NINJ1: variants seen among roughly 807,000 people sequenced by gnomAD.
The protein encoded by NINJ1 is ninjurin 1.
Under a neutral mutation model 12.7 loss-of-function variants are expected in NINJ1, and 6 were observed. The ratio of observed to expected loss-of-function variants is 0.47; its 90% confidence interval spans 0.26 to 0.93. The LOEUF is 0.93. Among genes scored for constraint, NINJ1 ranks in the 40% least tolerant of loss-of-function variants. The probability of loss-of-function intolerance (pLI) is 0.15; values close to 1 mark genes in which losing one functional copy is unlikely to be tolerated. For missense variants in NINJ1, 170 were observed against 213.0 expected, an observed-to-expected ratio of 0.80 and a Z score of 1.26; for synonymous variants, 100 against 96.0, an observed-to-expected ratio of 1.04 and a Z score of -0.25.
rs1564221762 is a variant in NINJ1, at chr9:93,134,126, TG to T, written c.75+16del. ...AGGGCCTGGCAAGATCATGCAGCGGTGGGGGGAAGGTCTTACCGAGGCGTCC... is the reference window on the plus strand; with the variant it reads ...AGGGCCTGGCAAGATCATGCAGCGGTGGGGGAAGGTCTTACCGAGGCGTCC... On this transcript the variant is annotated intron_variant, in intron 1 of 3. Transcript: ENST00000375446. 5.9e-6 allele frequency: 9 copies of T among 1,536,754 alleles called. No homozygotes were observed. The highest frequency in any genetic ancestry group is 2.4e-5 in the East Asian group (1 of 41,048).
intron 1 of NINJ1, among the ~76,000 whole-genome samples, chr9:93,132,224 T>C (rs1183745273): frequency 1.3e-5 from 2 of 152,212 alleles, no homozygotes; most frequent in Non-Finnish European, 2.9e-5. Context: ...TGGGTGGTCC[T>C]GGGCCCCCAG....
At position 93,126,297 on chromosome 9, in the gene NINJ1, C is replaced by T. The variant is rs572060644; in HGVS notation, c.304+113G>A. Reference sequence around the variant, plus strand: ...GTCTGGGTGATGAGGGCCAGGAACTCGGCAGCTCCTTGAGAGCCAAGTGTG... The same window carrying T: ...GTCTGGGTGATGAGGGCCAGGAACTTGGCAGCTCCTTGAGAGCCAAGTGTG... On this transcript the variant is annotated intron_variant, in intron 2 of 3. Coordinates refer to ENST00000375446, the MANE Select transcript of NINJ1 (RefSeq NM_004148.4). 1.1e-4 allele frequency: 93 copies of T among 839,790 alleles called. No individual in the cohort carries two copies. The East Asian group carries it at 1.3e-3, about 11-fold the overall frequency. 52.0% of individuals were successfully genotyped at this position (839,790 alleles called of 1,614,324 possible). A position where few individuals can be genotyped will look rare whatever the true frequency, so the allele number is the denominator to read the frequency against.
rs185996722 is a variant in NINJ1 at position 93,122,098 on chromosome 9, A to C, written c.*142T>G. On this transcript the variant is annotated 3_prime_UTR_variant, in exon 4 of 4. Coordinates refer to ENST00000375446, the MANE Select transcript of NINJ1 (RefSeq NM_004148.4). Reference sequence around the variant, plus strand: ...AGTCAGAGCAAGGGCTGGTCCGGGGACATGGTGCAGATGAGGCCAGCCTGG... The same window carrying C: ...AGTCAGAGCAAGGGCTGGTCCGGGGCCATGGTGCAGATGAGGCCAGCCTGG... 75 of 152,680 alleles carry C rather than the reference A, an allele frequency of 4.9e-4. No individual in the cohort carries two copies. The highest frequency in any genetic ancestry group is 1.8e-3 in the African/African-American group (73 of 41,586). 9.5% of individuals were successfully genotyped at this position (152,680 alleles called of 1,614,324 possible).
intron 1 of NINJ1, among the ~76,000 whole-genome samples, chr9:93,133,736 C>T (rs951588630): frequency 1.3e-5 from 2 of 152,226 alleles, no homozygotes; most frequent in Admixed American, 6.5e-5. Flanking sequence ...CGCCCGCCTC[C>T]GGGCAAAGTG....
chr9:93,124,778 G>C, intron 3 of NINJ1, 121 bp downstream of exon 3: 1 of 1,081,316 alleles, frequency 9.2e-7, no homozygotes, highest in Non-Finnish European at 1.3e-6. Context: ...GTGTGGACGA[G>C]GATGCCCATG....
At chr9:93,133,181 C>T (rs568415392) in intron 1 of NINJ1, among the ~76,000 whole-genome samples, 127 of 152,274 alleles carry the variant, frequency 8.3e-4, no homozygotes, top group Non-Finnish European at 1.3e-3. Flanking sequence ...CCAGGGCCAT[C>T]CTATCCCGTG....
rs377666283 is a variant in NINJ1 at position 93,134,246 on chromosome 9, G to C, written c.-29C>G. 5 of 1,399,698 alleles carry C rather than the reference G, an allele frequency of 3.6e-6. No homozygotes were observed. The highest frequency in any genetic ancestry group is 4.7e-6 in the Non-Finnish European group (5 of 1,053,450). 86.7% of individuals were successfully genotyped at this position (1,399,698 alleles called of 1,614,324 possible). A position where few individuals can be genotyped will look rare whatever the true frequency, so the allele number is the denominator to read the frequency against. ...GCGGCCGCCCAGGCCGCCAGGATCC[G>C]GGCCTGAGCGCGCCCGAGCCTCAGC... On this transcript the variant is annotated 5_prime_UTR_variant, in exon 1 of 4. Transcript: ENST00000375446.
chr9:93,131,161 G>C (rs915191164), intron 1 of NINJ1, among the ~76,000 whole-genome samples: 1 of 152,212 alleles, frequency 6.6e-6, no homozygotes, highest in East Asian at 1.9e-4. Context: ...GTCTCCTACC[G>C]GCCAGCCCAG....
chr9:93,126,219 A>G (rs1435212035), intron 2 of NINJ1, 191 bp downstream of exon 2: 2 of 552,818 alleles, frequency 3.6e-6, no homozygotes, highest in Non-Finnish European at 6.2e-6. Flanking sequence ...AAAACAAAAC[A>G]AAAACCAAAG....
In NINJ1 at chr9:93,121,737, G is replaced by C. The variant is rs932806989; in HGVS notation, c.*503C>G. 5.3e-5 allele frequency: 8 copies of C among 152,372 alleles called. No homozygotes were observed. Among genetic ancestry groups the C allele is most frequent in the African/African-American group, 1.9e-4 (8 of 41,462 alleles). The allele number at this position is 152,372 out of a possible 1,614,324, so 9.4% of individuals were successfully genotyped here. ...CAGTTCTGGCTGTGCAGGGTCCCTG[G>C]GTTAGGAAGTGGACAGAGGCTGGGG... is the stretch of plus-strand genomic sequence containing the variant. On this transcript the variant is annotated 3_prime_UTR_variant, in exon 4 of 4. Coordinates refer to ENST00000375446, the MANE Select transcript of NINJ1 (RefSeq NM_004148.4).
At chr9:93,127,654 C>T (rs1357083878) in intron 1 of NINJ1, among the ~76,000 whole-genome samples, 1 of 152,246 alleles carries the variant, frequency 6.6e-6, no homozygotes, top group Admixed American at 6.5e-5. Flanking sequence ...TTCAGTCACT[C>T]AGGACAAACC....
intron 3 of NINJ1, among the ~76,000 whole-genome samples, chr9:93,123,811 T>C (rs1827770407): frequency 6.6e-6 from 1 of 152,216 alleles, no homozygotes; most frequent in Non-Finnish European, 1.5e-5. Context: ...GCATGGACTG[T>C]AGTGTGTGCA....
rs144669023 is a variant in NINJ1, at chr9:93,126,533, C to T, written c.181G>A (p.Ala61Thr). Residue 61 changes from alanine to threonine, a missense_variant, in exon 2 of 4, where the codon GCG becomes ACG. Transcript: ENST00000375446. ...MLDIALLMAN[A>T]SQLKAVVEQG... ...TCCACGACGGCCTTCAGCTGGGACG[C>T]GTTGGCCATCAGCAGCGCGATGTCC... The T allele has an allele frequency of 4.5e-5, 73 of 1,614,044 alleles. No individual in the cohort carries two copies. Among genetic ancestry groups the T allele is most frequent in the East Asian group, 2.2e-4 (10 of 44,900 alleles).
rs7033638 is a variant in NINJ1, at chr9:93,121,503, T to C, written c.*737A>G. 36,155 of 152,360 alleles carry C rather than the reference T, an allele frequency of 0.24. 4,897 individuals carry two copies. The highest frequency in any genetic ancestry group is 0.36 in the African/African-American group (15,132 of 41,512). 9.4% of individuals were successfully genotyped at this position (152,360 alleles called of 1,614,324 possible). A position where few individuals can be genotyped will look rare whatever the true frequency, so the allele number is the denominator to read the frequency against. On this transcript the variant is annotated 3_prime_UTR_variant, in exon 4 of 4. Coordinates refer to ENST00000375446, the MANE Select transcript of NINJ1 (RefSeq NM_004148.4). ...GAACAGGGAGATGGCATGTGGAGCC[T>C]GACAAAGAGCGTGGGCTTTATTGTT...
chr9:93,126,692 T>A, intron 1 of NINJ1, 54 bp from the exon 2 acceptor site: 1 of 1,450,976 alleles, frequency 6.9e-7, no homozygotes, highest in South Asian at 1.3e-5. Flanking sequence ...GCAAGGGCTG[T>A]GCCTGAGTCG....
At chr9:93,130,919 G>A (rs868296679) in intron 1 of NINJ1, among the ~76,000 whole-genome samples, 23 of 152,222 alleles carry the variant, frequency 1.5e-4, no homozygotes, top group Admixed American at 1.4e-3. Flanking sequence ...TCTACACCTT[G>A]GCTGCTCGCA....
At position 93,134,133 on chromosome 9, in the gene NINJ1, A is replaced by G; in HGVS notation, c.75+10T>C. Reference sequence around the variant, plus strand: ...GGCAAGATCATGCAGCGGTGGGGGGAAGGTCTTACCGAGGCGTCCGGGGAG... The same window carrying G: ...GGCAAGATCATGCAGCGGTGGGGGGGAGGTCTTACCGAGGCGTCCGGGGAG... On this transcript the variant is annotated intron_variant, in intron 1 of 3. Transcript: ENST00000375446. The G allele has an allele frequency of 2.6e-6, 4 of 1,544,574 alleles. No homozygotes were observed. Among genetic ancestry groups the G allele is most frequent in the East Asian group, 2.4e-5 (1 of 41,364 alleles).
rs540681874 is a variant in NINJ1 at position 93,124,979 on chromosome 9, C to T, written c.388G>A (p.Val130Met). 13 of 1,613,996 alleles carry T rather than the reference C, an allele frequency of 8.1e-6. No individual in the cohort carries two copies. The highest frequency in any genetic ancestry group is 6.6e-5 in the South Asian group (6 of 91,082). ...GCCGTGATGAAGATGTTGACTACCA[C>T]GATGATGAACACCAGGCCCGTGGCC... Reference protein sequence around the residue: ...NLATGLVFIIVVVNIFITAFG... With the variant: ...NLATGLVFIIMVVNIFITAFG... Residue 130 changes from valine to methionine, a missense_variant, in exon 3 of 4, where the codon GTG becomes ATG. Val to Met is a conservative substitution (Grantham distance 21). Coordinates refer to ENST00000375446, the MANE Select transcript of NINJ1 (RefSeq NM_004148.4).
Position 93,126,535 on chromosome 9 carries a change from T to C in NINJ1, c.179A>G (p.Asn60Ser), listed in dbSNP as rs140126462. 4.6e-4 allele frequency: 735 copies of C among 1,614,174 alleles called. 3 individuals are homozygous for C. In the African/African-American group the frequency reaches 8.7e-3, roughly 19 times the overall value. The change falls in exon 2 of 4, where the codon AAC becomes AGC. Residue 60 changes from asparagine (N) to serine (S), a missense_variant. By Grantham distance (46) the Asn-to-Ser change is conservative (BLOSUM62 1). Coordinates refer to ENST00000375446, the MANE Select transcript of NINJ1 (RefSeq NM_004148.4). ...CACGACGGCCTTCAGCTGGGACGCG[T>C]TGGCCATCAGCAGCGCGATGTCCAG... ...SMLDIALLMA[N>S]ASQLKAVVEQ...
Sources: allele counts gnomAD v4.1 joint callset (sites outside exome capture counted in the v4.1 genomes callset), GRCh38; gene constraint gnomAD v4.1.1; transcripts MANE v1.5; gene names NCBI Gene and HGNC (gene_info 2026-07-23, HGNC 2026-07-21).